Variants in LOC128092253 observed in about 807,000 individuals in gnomAD.
the LOC128092253 span, among the ~76,000 whole-genome samples, chr6:133,966,271 A>C: frequency 6.6e-6 from 1 of 152,166 alleles, no homozygotes; most frequent in Non-Finnish European, 1.5e-5. Context: ...GCTTCTGAGG[A>C]GCTTATTGTC....
At chr6:133,969,919 C>T in the LOC128092253 span, among the ~76,000 whole-genome samples, 1 of 152,160 alleles carries the variant, frequency 6.6e-6, no homozygotes, top group African/African-American at 2.4e-5. Context: ...TAGAATGTAT[C>T]TTCATCTAAT....
chr6:133,966,065 A>G, the LOC128092253 span, among the ~76,000 whole-genome samples: 1 of 152,144 alleles, frequency 6.6e-6, no homozygotes, highest in Non-Finnish European at 1.5e-5. Flanking sequence ...TCAACTTCAG[A>G]GACAGAGAGA....
At chr6:133,955,640 G>A in the LOC128092253 span, among the ~76,000 whole-genome samples, 1 of 152,060 alleles carries the variant, frequency 6.6e-6, no homozygotes, top group Admixed American at 6.5e-5. Flanking sequence ...ATTAAAATAA[G>A]GTATATTAAA....
At chr6:133,956,911 A>G in the LOC128092253 span, among the ~76,000 whole-genome samples, 1 of 152,208 alleles carries the variant, frequency 6.6e-6, no homozygotes, top group Non-Finnish European at 1.5e-5. Context: ...TACGTATCTG[A>G]GGTTTTTCCA....
At chr6:133,956,029 T>TA in the LOC128092253 span, among the ~76,000 whole-genome samples, 75 of 152,298 alleles carry the variant, frequency 4.9e-4, no homozygotes, top group African/African-American at 1.8e-3. Flanking sequence ...GCACATTATT[T>TA]AAAAAAATCA....
chr6:133,957,835 T>C, the LOC128092253 span, among the ~76,000 whole-genome samples: 1 of 152,230 alleles, frequency 6.6e-6, no homozygotes, highest in Non-Finnish European at 1.5e-5. Context: ...CTTAGAACTT[T>C]AGTTAAAAGC....
the LOC128092253 span, among the ~76,000 whole-genome samples, chr6:133,973,791 T>TA: frequency 6.6e-6 from 1 of 152,150 alleles, no homozygotes; most frequent in African/African-American, 2.4e-5. Flanking sequence ...TTGCTTTTTT[T>TA]ATGAGAAGAT....
chr6:133,977,001 A>T, the LOC128092253 span, among the ~76,000 whole-genome samples: 20 of 151,572 alleles, frequency 1.3e-4, no homozygotes, highest in African/African-American at 4.6e-4. Flanking sequence ...AGAAATTGAG[A>T]TTTGTCTGTT....
the LOC128092253 span, among the ~76,000 whole-genome samples, chr6:133,977,144 T>A: frequency 6.6e-6 from 1 of 152,142 alleles, no homozygotes; most frequent in African/African-American, 2.4e-5. Flanking sequence ...CAAGTGGACC[T>A]TTTTTCATGC....
the LOC128092253 span, among the ~76,000 whole-genome samples, chr6:133,957,659 A>G: frequency 6.6e-6 from 1 of 152,224 alleles, no homozygotes; most frequent in East Asian, 1.9e-4. Context: ...CGGACTCTGG[A>G]TGCAGGCAGC....
At chr6:133,953,588 G>A in the LOC128092253 span, among the ~76,000 whole-genome samples, 1 of 152,256 alleles carries the variant, frequency 6.6e-6, no homozygotes, top group African/African-American at 2.4e-5. Flanking sequence ...GCTGAGGTGG[G>A]GGAAACCGGT....
chr6:133,967,685 A>G, the LOC128092253 span, among the ~76,000 whole-genome samples: 226 of 152,316 alleles, frequency 1.5e-3, no homozygotes, highest in African/African-American at 5.4e-3. Context: ...GTATCTAAAC[A>G]TAGGAAAGGT....
At chr6:133,974,944 C>T in the LOC128092253 span, among the ~76,000 whole-genome samples, 6 of 152,156 alleles carry the variant, frequency 3.9e-5, no homozygotes, top group Non-Finnish European at 7.4e-5. Context: ...TATCCAACTT[C>T]AGTCACACCT....
the LOC128092253 span, among the ~76,000 whole-genome samples, chr6:133,974,387 G>T: frequency 2.0e-5 from 3 of 152,316 alleles, no homozygotes; most frequent in East Asian, 5.8e-4. Context: ...AGGTTGGAGT[G>T]CAGTGGCGCG....
the LOC128092253 span, among the ~76,000 whole-genome samples, chr6:133,963,888 AAAAT>A: frequency 6.6e-6 from 1 of 151,704 alleles, no homozygotes. Context: ...AAAAAAAAAA[AAAAT>A]TAGCCAGGCG....
At chr6:133,973,692 A>G in the LOC128092253 span, among the ~76,000 whole-genome samples, 2 of 152,204 alleles carry the variant, frequency 1.3e-5, no homozygotes, top group Non-Finnish European at 2.9e-5. Flanking sequence ...AAAATCTTTG[A>G]GTGAGGAAGA....
the LOC128092253 span, among the ~76,000 whole-genome samples, chr6:133,966,901 C>T: frequency 6.6e-6 from 1 of 152,198 alleles, no homozygotes; most frequent in Non-Finnish European, 1.5e-5. Flanking sequence ...TCCATCCTCC[C>T]ATTGCAGAGT....
the LOC128092253 span, among the ~76,000 whole-genome samples, chr6:133,954,450 T>C: frequency 6.6e-6 from 1 of 152,272 alleles, no homozygotes; most frequent in Non-Finnish European, 1.5e-5. Flanking sequence ...TATTGAGAAG[T>C]GACTGTTAGC....
chr6:133,978,497 G>A, the LOC128092253 span, among the ~76,000 whole-genome samples: 1 of 152,138 alleles, frequency 6.6e-6, no homozygotes. Flanking sequence ...CTGTGCCTCT[G>A]CTTTTTAATC....
Sources: gnomAD v4.1 joint callset for allele counts (sites outside exome capture counted in the v4.1 genomes callset) on GRCh38, gnomAD v4.1.1 for gene constraint, MANE v1.5 for transcripts.